MIPOL1: variants seen among roughly 807,000 people sequenced by gnomAD.
MIPOL1 encodes mirror-image polydactyly 1.
A neutral mutation model predicts 60.9 loss-of-function variants in MIPOL1; 57 were observed. The observed-to-expected ratio is 0.94, with a 90% CI of 0.76 to 1.17. The LOEUF is 1.17. MIPOL1 is among the 50% of genes most tolerant of loss of function. The pLI, the probability that MIPOL1 is intolerant of heterozygous loss-of-function variation, is 0.00. For missense variants in MIPOL1, 551 were observed against 511.6 expected (o/e 1.08, Z -0.74); for synonymous variants, 179 against 168.8 (o/e 1.06, Z -0.47).
chr14:37,464,348 G>A (rs993250588), intron 11 of MIPOL1, among the ~76,000 whole-genome samples: 8 of 152,130 alleles, frequency 5.3e-5, no homozygotes, highest in African/African-American at 1.9e-4. Context: ...TCCAGTGGAT[G>A]ACTGGATAAA....
intron 12 of MIPOL1, among the ~76,000 whole-genome samples, chr14:37,511,256 C>T (rs947192519): frequency 4.6e-5 from 7 of 152,186 alleles, no homozygotes; most frequent in Admixed American, 4.6e-4. Flanking sequence ...CTTGGCCCAC[C>T]TGTCATAAAG....
intron 9 of MIPOL1, among the ~76,000 whole-genome samples, chr14:37,342,437 AC>A (rs762346846): frequency 8.2e-4 from 122 of 149,210 alleles, no homozygotes; most frequent in Non-Finnish European, 1.5e-3. Context: ...TCGCTCTGTC[AC>A]CCGGGCTGGA....
At chr14:37,424,978 A>G (rs775046577) in intron 11 of MIPOL1, among the ~76,000 whole-genome samples, 1 of 152,224 alleles carries the variant, frequency 6.6e-6, no homozygotes, top group African/African-American at 2.4e-5. Context: ...GATGTTCTAC[A>G]TGCATATTTC....
At chr14:37,226,743 G>T (rs952447599) in intron 1 of MIPOL1, among the ~76,000 whole-genome samples, 1 of 152,110 alleles carries the variant, frequency 6.6e-6, no homozygotes, top group East Asian at 1.9e-4. Flanking sequence ...GTTCAAGACT[G>T]CAGTGAGCCA....
intron 11 of MIPOL1, among the ~76,000 whole-genome samples, chr14:37,444,701 G>A (rs1190351759): frequency 1.3e-5 from 2 of 152,132 alleles, no homozygotes; most frequent in African/African-American, 4.8e-5. Context: ...GAGAATCCCA[G>A]CAGCACATCA....
At chr14:37,319,830 T>C (rs548626987) in intron 9 of MIPOL1, among the ~76,000 whole-genome samples, 1 of 152,200 alleles carries the variant, frequency 6.6e-6, no homozygotes, top group African/African-American at 2.4e-5. Flanking sequence ...CCAAAGATAA[T>C]CACTCCTCTT....
At chr14:37,337,080 T>C (rs1172546012) in intron 9 of MIPOL1, among the ~76,000 whole-genome samples, 1 of 151,420 alleles carries the variant, frequency 6.6e-6, no homozygotes, top group East Asian at 1.9e-4. Flanking sequence ...CTAATGGGTC[T>C]TTTTTTTCCC....
chr14:37,383,784 A>G (rs1203135477), intron 10 of MIPOL1, among the ~76,000 whole-genome samples: 1 of 151,958 alleles, frequency 6.6e-6, no homozygotes. Flanking sequence ...AAATGTAAGT[A>G]GTAATCTTCT....
rs148500120 is a variant in MIPOL1, at chr14:37,216,195, C to T, written c.-199+18091C>T. On this transcript the variant is annotated intron_variant, in intron 1 of 12. Coordinates refer to ENST00000684589, the MANE Select transcript of MIPOL1 (RefSeq NM_001388067.1). ...AAAACTATGAAAAGAGACAATGTCA[C>T]TATATAATGAAAAAGGGGTCAATTC... 7.4e-4 allele frequency among the ~76,000 whole-genome samples: 112 copies of T among 152,006 alleles called. 1 individual carries two copies. In the Middle Eastern group the frequency reaches 0.01, roughly 14 times the overall value.
chr14:37,208,504 A>C (rs1241510218), intron 1 of MIPOL1, among the ~76,000 whole-genome samples: 1 of 152,214 alleles, frequency 6.6e-6, no homozygotes, highest in Non-Finnish European at 1.5e-5. Context: ...AAACATAGCA[A>C]GTAATACATG....
chr14:37,461,483 G>A (rs771839995), intron 11 of MIPOL1, among the ~76,000 whole-genome samples: 5 of 152,048 alleles, frequency 3.3e-5, no homozygotes, highest in Non-Finnish European at 5.9e-5. Flanking sequence ...TGAGATTTTG[G>A]TAGGGACACA....
At chr14:37,375,657 G>A (rs957070651) in intron 10 of MIPOL1, among the ~76,000 whole-genome samples, 3 of 152,060 alleles carry the variant, frequency 2.0e-5, no homozygotes, top group African/African-American at 7.2e-5. Context: ...ATCAACCTAA[G>A]AAGAATAGCT....
At position 37,337,647 on chromosome 14, in the gene MIPOL1, C is replaced by T. The variant is rs1346984308; in HGVS notation, c.828+29128C>T. 3.3e-5 allele frequency among the ~76,000 whole-genome samples: 5 copies of T among 151,842 alleles called. 1 individual carries two copies. In the South Asian group the frequency reaches 8.3e-4, roughly 25 times the overall value. The stretch of plus-strand genomic sequence containing the variant: ...CCTCCCAAAGTGCTGGGATTACAGG[C>T]GTGAGCCACTGTGCCTGGCCTTGTA... On this transcript the variant is annotated intron_variant, in intron 9 of 12. Coordinates refer to ENST00000684589, the MANE Select transcript of MIPOL1 (RefSeq NM_001388067.1).
At chr14:37,231,277 G>A (rs1970589037) in intron 1 of MIPOL1, among the ~76,000 whole-genome samples, 1 of 151,920 alleles carries the variant, frequency 6.6e-6, no homozygotes, top group African/African-American at 2.4e-5. Flanking sequence ...TCATAGAGAT[G>A]GATTCTCCCT....
At chr14:37,263,492 GAC>G (rs2082655228) in intron 3 of MIPOL1, among the ~76,000 whole-genome samples, 1 of 152,176 alleles carries the variant, frequency 6.6e-6, no homozygotes, top group African/African-American at 2.4e-5. Flanking sequence ...GATGGTATGA[GAC>G]AGTAAATGCA....
chr14:37,531,205 C>T (rs1285627090), intron 12 of MIPOL1, among the ~76,000 whole-genome samples: 1 of 152,114 alleles, frequency 6.6e-6, no homozygotes, highest in Admixed American at 6.5e-5. Context: ...TTATTTGCCT[C>T]TCTTTGTTCC....
intron 1 of MIPOL1, among the ~76,000 whole-genome samples, chr14:37,229,866 AAG>A (rs1970342782): frequency 6.6e-6 from 1 of 152,208 alleles, no homozygotes; most frequent in Non-Finnish European, 1.5e-5. Flanking sequence ...GAATCTAAAA[AAG>A]TTGGATTTAG....
At chr14:37,279,276 A>G (rs980103873) in intron 6 of MIPOL1, among the ~76,000 whole-genome samples, 5 of 149,914 alleles carry the variant, frequency 3.3e-5, no homozygotes, top group Non-Finnish European at 1.5e-5. Flanking sequence ...TGCAATTAAC[A>G]GTAGATTTTA....
intron 1 of MIPOL1, among the ~76,000 whole-genome samples, chr14:37,234,760 T>A (rs1389974218): frequency 2.0e-5 from 3 of 151,932 alleles, no homozygotes; most frequent in Non-Finnish European, 4.4e-5. Context: ...AGAGGTCTAA[T>A]GTGGTCCACT....
Sources: gnomAD v4.1 joint callset for allele counts (sites outside exome capture counted in the v4.1 genomes callset) on GRCh38, gnomAD v4.1.1 for gene constraint, MANE v1.5 for transcripts, NCBI Gene and HGNC (gene_info 2026-07-23, HGNC 2026-07-21) for gene names.